Variants in AGAP1 observed in about 807,000 individuals in gnomAD.
AGAP1 encodes arf-GAP with GTPase, ANK repeat and PH domain-containing protein 1.
Under a neutral mutation model 105.3 loss-of-function variants are expected in AGAP1, and 29 were observed. That is an observed-to-expected ratio of 0.28 (90% CI 0.21 to 0.38). The LOEUF is 0.38. Among genes scored for constraint, AGAP1 ranks in the 10% least tolerant of loss-of-function variants. The pLI, the probability that AGAP1 is intolerant of heterozygous loss-of-function variation, is 1.00. For synonymous variants in AGAP1, 509 were observed against 485.9 expected (o/e 1.05, Z -0.63); for missense variants, 998 against 1,165.1 (o/e 0.86, Z 2.09).
intron 13 of AGAP1, among the ~76,000 whole-genome samples, chr2:236,029,362 G>A (rs553037608): frequency 1.0e-3 from 156 of 150,088 alleles, no homozygotes; most frequent in Non-Finnish European, 1.9e-3. Context: ...TGCAACCTCC[G>A]CCTCCCAGGT....
chr2:235,550,938 C>T lies in AGAP1; in HGVS notation c.163+56089C>T, dbSNP rs900836687. On this transcript the variant is annotated intron_variant, in intron 1 of 17. Transcript: ENST00000304032. This position sits in a 1 kb window ranked among gnomAD's most constrained non-coding sequence, Gnocchi z 4.6. ...TACAGGCGTGCACCACCACACCCAG[C>T]TAATTTTTGTATTTTAGTAGAAATG... is the stretch of plus-strand genomic sequence containing the variant. 6.6e-6 allele frequency among the ~76,000 whole-genome samples: 1 copy of T among 152,090 alleles called. No homozygotes were observed.
Position 236,090,239 on chromosome 2 carries a change from T to C in AGAP1, c.2115-29953T>C, listed in dbSNP as rs1281054318. ...TTGTGGTCGTTCGCACCCAGGACTT[T>C]GATGTTCCTACTGATATATTCAACC... On this transcript the variant is annotated intron_variant, in intron 16 of 17. Transcript: ENST00000304032. This position sits in a 1 kb window ranked among gnomAD's most constrained non-coding sequence, Gnocchi z 4.3. 6.6e-6 allele frequency among the ~76,000 whole-genome samples: 1 copy of C among 152,184 alleles called. No homozygotes were observed. Among genetic ancestry groups the C allele is most frequent in the Non-Finnish European group, 1.5e-5 (1 of 68,040 alleles).
intron 1 of AGAP1, among the ~76,000 whole-genome samples, chr2:235,536,048 C>A (rs1041007376): frequency 3.3e-5 from 5 of 151,888 alleles, no homozygotes; most frequent in African/African-American, 1.2e-4. Flanking sequence ...CCTCTAGACC[C>A]CTGAGGAGAT....
chr2:235,759,101 G>A (rs1479273486), intron 6 of AGAP1, among the ~76,000 whole-genome samples: 1 of 150,316 alleles, frequency 6.7e-6, no homozygotes, highest in East Asian at 2.0e-4. Context: ...GTCATATAAG[G>A]GGGTTTGATG....
rs1477037817 is a variant in AGAP1, at chr2:235,804,538, G to A, written c.958-2701G>A. ...GTTGACTTAGCCACTGGTTGAAAGG[G>A]GGTAAACGGGCTTCTCTTTGATACA... On this transcript the variant is annotated intron_variant, in intron 8 of 17. Transcript: ENST00000304032. Among the ~76,000 whole-genome samples, 3 of 152,200 alleles carry A rather than the reference G, an allele frequency of 2.0e-5. No homozygotes were observed. In the East Asian group the frequency reaches 5.8e-4, roughly 29 times the overall value.
In AGAP1 at chr2:235,604,666, TC is replaced by T. The variant is rs371963762; in HGVS notation, c.164-104511del. On this transcript the variant is annotated intron_variant, in intron 1 of 17. Coordinates refer to ENST00000304032, the MANE Select transcript of AGAP1 (RefSeq NM_001037131.3). ...GGCACGATCTTGGCTCACTGCAAGC[TC>T]CACCTCCCAGGTTCACGCCATTCTC... Among the ~76,000 whole-genome samples, 42 of 126,372 alleles carry T rather than the reference TC, an allele frequency of 3.3e-4. 1 individual carries two copies. The East Asian group carries it at 0.011, about 34-fold the overall frequency. The allele number at this position is 126,372 out of a possible 152,430, so 82.9% of individuals were successfully genotyped here. A position where few individuals can be genotyped will look rare whatever the true frequency, so the allele number is the denominator to read the frequency against.
Position 235,888,085 on chromosome 2 carries a change from T to G in AGAP1, c.1155+4636T>G, listed in dbSNP as rs1202828338. Reference sequence around the variant, plus strand: ...CCACCACCAGCCTCCTTCCATTTGCTTATCATGTTAAATTCAGGGAGCTGG... The same window carrying G: ...CCACCACCAGCCTCCTTCCATTTGCGTATCATGTTAAATTCAGGGAGCTGG... On this transcript the variant is annotated intron_variant, in intron 10 of 17. Coordinates refer to ENST00000304032, the MANE Select transcript of AGAP1 (RefSeq NM_001037131.3). This position sits in a 1 kb window ranked among gnomAD's most constrained non-coding sequence, Gnocchi z 4.8. 6.6e-6 allele frequency among the ~76,000 whole-genome samples: 1 copy of G among 152,128 alleles called. No individual in the cohort carries two copies. Among genetic ancestry groups the G allele is most frequent in the East Asian group, 1.9e-4 (1 of 5,192 alleles).
chr2:235,779,326 CTG>C (rs142640367), intron 6 of AGAP1, among the ~76,000 whole-genome samples: 3,124 of 152,294 alleles, frequency 0.021, 99 homozygotes, highest in African/African-American at 0.071. Flanking sequence ...GCTTTTAAGA[CTG>C]TGTTGGGTTT....
rs768717556 is a variant in AGAP1 at position 235,967,504 on chromosome 2, G to T, written c.1484-958G>T. On this transcript the variant is annotated intron_variant, in intron 12 of 17. Coordinates refer to ENST00000304032, the MANE Select transcript of AGAP1 (RefSeq NM_001037131.3). The surrounding 1 kb of genome is among the most constrained non-coding windows in gnomAD (Gnocchi z 4.7). ...CAGGAATGTTTATCTGTTTCTCCTC[G>T]ATCAATGATGGCTGCCAAGCATCTT... Among the ~76,000 whole-genome samples, 1 of 152,126 alleles carries T rather than the reference G, an allele frequency of 6.6e-6. No homozygotes were observed. The highest frequency in any genetic ancestry group is 2.4e-5 in the African/African-American group (1 of 41,428).
chr2:235,907,642 C>G (rs2051370535), intron 10 of AGAP1, among the ~76,000 whole-genome samples: 1 of 152,240 alleles, frequency 6.6e-6, no homozygotes, highest in East Asian at 1.9e-4. Context: ...ACAGTCATTT[C>G]TCTGTATTCA....
Position 235,517,944 on chromosome 2 carries a change from A to AGAAAG in AGAP1, c.163+23095_163+23096insGAAAG, listed in dbSNP as rs1553556938. Among the ~76,000 whole-genome samples, 2 of 141,730 alleles carry AGAAAG rather than the reference A, an allele frequency of 1.4e-5. No homozygotes were observed. The highest frequency in any genetic ancestry group is 7.1e-5 in the Admixed American group (1 of 14,018). 93.0% of individuals were successfully genotyped at this position (141,730 alleles called of 152,430 possible). A position where few individuals can be genotyped will look rare whatever the true frequency, so the allele number is the denominator to read the frequency against. ...TGAGACTCCGTTTCAAAAAAAAAAA[A>AGAAAG]AAAGAAAAAAAAAAGGTAGAACTCA... On this transcript the variant is annotated intron_variant, in intron 1 of 17. Transcript: ENST00000304032. This position sits in a 1 kb window ranked among gnomAD's most constrained non-coding sequence, Gnocchi z 4.1.
rs1472352908 is a variant in AGAP1 at position 235,691,925 on chromosome 2, C to T, written c.164-17254C>T. On this transcript the variant is annotated intron_variant, in intron 1 of 17. Coordinates refer to ENST00000304032, the MANE Select transcript of AGAP1 (RefSeq NM_001037131.3). This position sits in a 1 kb window ranked among gnomAD's most constrained non-coding sequence, Gnocchi z 4.4. ...AATCGGAGTTCCTAGTAGAAACAGA[C>T]ATGCAGCATATTGTGAAATGTTTCA... 6.6e-6 allele frequency among the ~76,000 whole-genome samples: 1 copy of T among 152,188 alleles called. No homozygotes were observed. The highest frequency in any genetic ancestry group is 1.5e-5 in the Non-Finnish European group (1 of 68,050).
chr2:235,556,849 C>T lies in AGAP1; in HGVS notation c.163+62000C>T, dbSNP rs1347634273. ...GAATGTGTTACTGGAAGTGTCTTGG[C>T]TAAATTCCTGACCTAAGCTTGTGTG... On this transcript the variant is annotated intron_variant, in intron 1 of 17. Transcript: ENST00000304032. This position sits in a 1 kb window ranked among gnomAD's most constrained non-coding sequence, Gnocchi z 5.3. Among the ~76,000 whole-genome samples the T allele has an allele frequency of 6.6e-6, 1 of 152,168 alleles. No individual in the cohort carries two copies. Among genetic ancestry groups the T allele is most frequent in the Non-Finnish European group, 1.5e-5 (1 of 68,042 alleles).
intron 9 of AGAP1, among the ~76,000 whole-genome samples, chr2:235,844,351 G>A (rs925204944): frequency 2.0e-5 from 3 of 152,326 alleles, no homozygotes; most frequent in African/African-American, 4.8e-5. Context: ...AGGGGCAGCC[G>A]TCCCTCACTT....
rs2059073684 is a variant in AGAP1, at chr2:236,092,037, AG to A, written c.2115-28153del. Among the ~76,000 whole-genome samples, 1 of 152,270 alleles carries A rather than the reference AG, an allele frequency of 6.6e-6. No homozygotes were observed. The highest frequency in any genetic ancestry group is 1.5e-5 in the Non-Finnish European group (1 of 68,042). On this transcript the variant is annotated intron_variant, in intron 16 of 17. Transcript: ENST00000304032. The surrounding 1 kb of genome is among the most constrained non-coding windows in gnomAD (Gnocchi z 4.7). The stretch of plus-strand genomic sequence containing the variant: ...CCTGTCCCAAAAGATTACGTGCTGT[AG>A]GATTCCATTTATGTATCACTGTTGA...
In AGAP1 at chr2:235,752,768, ATGT is replaced by A. The variant is rs1323645983; in HGVS notation, c.673+2284_673+2286del. Reference sequence around the variant, plus strand: ...TTGATGAGTGCTTCTTATAAAAATAATGTTGTCAATTAATGAATACTGGGGGTT... The same window carrying A: ...TTGATGAGTGCTTCTTATAAAAATAATGTCAATTAATGAATACTGGGGGTT... On this transcript the variant is annotated intron_variant, in intron 6 of 17. Transcript: ENST00000304032. The surrounding 1 kb of genome is among the most constrained non-coding windows in gnomAD (Gnocchi z 4.3). 2.6e-5 allele frequency among the ~76,000 whole-genome samples: 4 copies of A among 152,356 alleles called. No homozygotes were observed. Among genetic ancestry groups the A allele is most frequent in the Middle Eastern group, 3.4e-3 (1 of 294 alleles).
intron 1 of AGAP1, among the ~76,000 whole-genome samples, chr2:235,590,723 T>C (rs1945306745): frequency 9.5e-6 from 1 of 105,680 alleles, no homozygotes; most frequent in African/African-American, 3.9e-5. Context: ...GCATTTTTTT[T>C]TTTTTTTTTT....
intron 1 of AGAP1, among the ~76,000 whole-genome samples, chr2:235,676,917 G>A (rs1434413598): frequency 6.6e-6 from 1 of 152,180 alleles, no homozygotes; most frequent in Admixed American, 6.5e-5. Flanking sequence ...TGGTATTAAG[G>A]TCAACGGATT....
chr2:235,670,853 G>A (rs764728705), intron 1 of AGAP1: 34 of 1,400,576 alleles, frequency 2.4e-5, no homozygotes, highest in African/African-American at 3.0e-5. Context: ...GCGCGCGCGG[G>A]CGGCGGCCGG....
Sources: allele counts gnomAD v4.1 joint callset (sites outside exome capture counted in the v4.1 genomes callset), GRCh38; gene constraint gnomAD v4.1.1; non-coding constraint Gnocchi (gnomAD v3.1); transcripts MANE v1.5; gene names NCBI Gene and HGNC (gene_info 2026-07-23, HGNC 2026-07-21).